The following SMIM10L2B variants were observed in gnomAD, a reference collection of about 807,000 sequenced individuals.
SMIM10L2B encodes the protein small integral membrane protein 10 like 2B.
For synonymous variants in SMIM10L2B, 28 were observed against 30.0 expected (o/e 0.93, Z 0.22); for missense variants, 40 against 58.7 (o/e 0.68, Z 1.04).
At position 135,098,699 on chromosome X, in the gene SMIM10L2B, G is replaced by C. The variant is rs781789030; in HGVS notation, c.-66C>G. 3.7e-6 allele frequency: 1 copy of C among 270,907 alleles called. No individual in the cohort carries two copies. Among genetic ancestry groups the C allele is most frequent in the Non-Finnish European group, 6.4e-6 (1 of 155,108 alleles). The allele number at this position is 270,907 out of a possible 1,213,427, so 22.3% of individuals were successfully genotyped here. Reference sequence around the variant, plus strand: ...GCAAGAGCTCGAGCCTCAGGACGGCGGGACCCCAACACTAGCGCGCCCCGC... The same window carrying C: ...GCAAGAGCTCGAGCCTCAGGACGGCCGGACCCCAACACTAGCGCGCCCCGC... On this transcript the variant is annotated 5_prime_UTR_variant, in exon 1 of 2. Coordinates refer to ENST00000433425, the MANE Select transcript of SMIM10L2B (RefSeq NM_001348255.2).
chrX:135,096,409 C>A lies in SMIM10L2B; in HGVS notation c.*1077G>T, dbSNP rs1450975729. Reference sequence around the variant, plus strand: ...CCAGGAGCCATGACACCACCATCAGCCCCACTTGCCCACCAAACTGGGAGG... The same window carrying A: ...CCAGGAGCCATGACACCACCATCAGACCCACTTGCCCACCAAACTGGGAGG... On this transcript the variant is annotated 3_prime_UTR_variant, in exon 2 of 2. Coordinates refer to ENST00000433425, the MANE Select transcript of SMIM10L2B (RefSeq NM_001348255.2). 1.8e-5 allele frequency: 2 copies of A among 110,964 alleles called. No individual in the cohort carries two copies. The highest frequency in any genetic ancestry group is 6.6e-5 in the African/African-American group (2 of 30,415). 9.1% of individuals were successfully genotyped at this position (110,964 alleles called of 1,213,427 possible). A position where few individuals can be genotyped will look rare whatever the true frequency, so the allele number is the denominator to read the frequency against.
In SMIM10L2B at chrX:135,098,696, G is replaced by T. The variant is rs1461141415; in HGVS notation, c.-63C>A. 7 of 271,557 alleles carry T rather than the reference G, an allele frequency of 2.6e-5. No homozygotes were observed. In the East Asian group the frequency reaches 3.3e-4, roughly 13 times the overall value. The allele number at this position is 271,557 out of a possible 1,213,427, so 22.4% of individuals were successfully genotyped here. A position where few individuals can be genotyped will look rare whatever the true frequency, so the allele number is the denominator to read the frequency against. On this transcript the variant is annotated 5_prime_UTR_variant, in exon 1 of 2. Coordinates refer to ENST00000433425, the MANE Select transcript of SMIM10L2B (RefSeq NM_001348255.2). ...CCCGCAAGAGCTCGAGCCTCAGGACGGCGGGACCCCAACACTAGCGCGCCC... is the reference window on the plus strand; with the variant it reads ...CCCGCAAGAGCTCGAGCCTCAGGACTGCGGGACCCCAACACTAGCGCGCCC...
chrX:135,097,278 C>T (rs1181686918), intron 1 of SMIM10L2B, among the ~76,000 whole-genome samples, 157 bp from the exon 2 acceptor site: 1 of 112,881 alleles, frequency 8.9e-6, no homozygotes, highest in Non-Finnish European at 1.9e-5. Flanking sequence ...CTCTTTTTCC[C>T]AGATCACTTC....
Position 135,096,590 on chromosome X carries a change from T to C in SMIM10L2B, c.*896A>G, listed in dbSNP as rs1556398076. On this transcript the variant is annotated 3_prime_UTR_variant, in exon 2 of 2. Transcript: ENST00000433425. ...TGTCCTAATCTTTCCTGTGATCTTC[T>C]GTACTGCTCCAAAGAAAGCGAGATC... 9.0e-6 allele frequency: 1 copy of C among 111,434 alleles called. No homozygotes were observed. The highest frequency in any genetic ancestry group is 3.3e-5 in the African/African-American group (1 of 30,569). 9.2% of individuals were successfully genotyped at this position (111,434 alleles called of 1,213,427 possible).
At position 135,096,335 on chromosome X, in the gene SMIM10L2B, C is replaced by G. The variant is rs782789997; in HGVS notation, c.*1151G>C. 2.7e-5 allele frequency: 3 copies of G among 110,393 alleles called. No homozygotes were observed. Among genetic ancestry groups the G allele is most frequent in the Admixed American group, 9.5e-5 (1 of 10,490 alleles). 9.1% of individuals were successfully genotyped at this position (110,393 alleles called of 1,213,427 possible). ...TGGGGTCATGCCATGGGTCTCAGCC[C>G]CAGCCCACCCCAGGTTTATCCCTTC... is the stretch of plus-strand genomic sequence containing the variant. On this transcript the variant is annotated 3_prime_UTR_variant, in exon 2 of 2. Transcript: ENST00000433425.
chrX:135,097,063 G>C lies in SMIM10L2B; in HGVS notation c.*423C>G, dbSNP rs1455917399. The stretch of plus-strand genomic sequence containing the variant: ...CAGGGTCAGAGGTGCCCCAGGGTAG[G>C]GATGAGACTCTTGGCAAGGCCAGAG... On this transcript the variant is annotated 3_prime_UTR_variant, in exon 2 of 2. Coordinates refer to ENST00000433425, the MANE Select transcript of SMIM10L2B (RefSeq NM_001348255.2). 2 of 113,462 alleles carry C rather than the reference G, an allele frequency of 1.8e-5. No homozygotes were observed. The highest frequency in any genetic ancestry group is 3.7e-5 in the Non-Finnish European group (2 of 53,408). 9.4% of individuals were successfully genotyped at this position (113,462 alleles called of 1,213,427 possible).
chrX:135,095,694 C>G lies in SMIM10L2B; in HGVS notation c.*1792G>C, dbSNP rs1477293789. On this transcript the variant is annotated 3_prime_UTR_variant, in exon 2 of 2. Coordinates refer to ENST00000433425, the MANE Select transcript of SMIM10L2B (RefSeq NM_001348255.2). Reference sequence around the variant, plus strand: ...GTTTGAAAGGGCCACATCTGTGCATCAGACACAAGGAGGCCCCTCACTCCT... The same window carrying G: ...GTTTGAAAGGGCCACATCTGTGCATGAGACACAAGGAGGCCCCTCACTCCT... 8.9e-6 allele frequency: 1 copy of G among 112,258 alleles called. No homozygotes were observed. The highest frequency in any genetic ancestry group is 3.2e-5 in the African/African-American group (1 of 30,853). 9.3% of individuals were successfully genotyped at this position (112,258 alleles called of 1,213,427 possible). A position where few individuals can be genotyped will look rare whatever the true frequency, so the allele number is the denominator to read the frequency against.
At chrX:135,097,493 G>A (rs1556398300) in intron 1 of SMIM10L2B, among the ~76,000 whole-genome samples, 1 of 112,031 alleles carries the variant, frequency 8.9e-6, no homozygotes, top group African/African-American at 3.3e-5. Context: ...TCAGGTAGGG[G>A]CAGGGGAACA....
chrX:135,096,349 G>T lies in SMIM10L2B; in HGVS notation c.*1137C>A. 1 of 110,609 alleles carries T rather than the reference G, an allele frequency of 9.0e-6. No homozygotes were observed. Among genetic ancestry groups the T allele is most frequent in the Middle Eastern group, 4.6e-3 (1 of 219 alleles). The allele number at this position is 110,609 out of a possible 1,213,427, so 9.1% of individuals were successfully genotyped here. The stretch of plus-strand genomic sequence containing the variant: ...GGGTCTCAGCCCCAGCCCACCCCAG[G>T]TTTATCCCTTCACCCTCCTGGTTAT... On this transcript the variant is annotated 3_prime_UTR_variant, in exon 2 of 2. Transcript: ENST00000433425.
In SMIM10L2B at chrX:135,098,077, C is replaced by T; in HGVS notation, c.*320G>A. The T allele has an allele frequency of 6.6e-6, 1 of 151,781 alleles. No homozygotes were observed. The highest frequency in any genetic ancestry group is 1.3e-5 in the Non-Finnish European group (1 of 77,804). 12.5% of individuals were successfully genotyped at this position (151,781 alleles called of 1,213,427 possible). On this transcript the variant is annotated 3_prime_UTR_variant, in exon 1 of 2. Transcript: ENST00000433425. Reference sequence around the variant, plus strand: ...AAAGTCAAGTCGCCGCAGCAGAATTCCCTCCTTCTGGTTTCCCCCTCTTTT... The same window carrying T: ...AAAGTCAAGTCGCCGCAGCAGAATTTCCTCCTTCTGGTTTCCCCCTCTTTT...
rs1556398043 is a variant in SMIM10L2B at position 135,096,435 on chromosome X, T to C, written c.*1051A>G. On this transcript the variant is annotated 3_prime_UTR_variant, in exon 2 of 2. Transcript: ENST00000433425. Reference sequence around the variant, plus strand: ...CCCACTTGCCCACCAAACTGGGAGGTTTGTGCCACTTCACTGCTGAAAAGC... The same window carrying C: ...CCCACTTGCCCACCAAACTGGGAGGCTTGTGCCACTTCACTGCTGAAAAGC... The C allele has an allele frequency of 9.0e-6, 1 of 110,555 alleles. No homozygotes were observed. The highest frequency in any genetic ancestry group is 1.9e-5 in the Non-Finnish European group (1 of 52,721). The allele number at this position is 110,555 out of a possible 1,213,427, so 9.1% of individuals were successfully genotyped here. A position where few individuals can be genotyped will look rare whatever the true frequency, so the allele number is the denominator to read the frequency against.
chrX:135,098,696 G>A lies in SMIM10L2B; in HGVS notation c.-63C>T, dbSNP rs1461141415. ...CCCGCAAGAGCTCGAGCCTCAGGAC[G>A]GCGGGACCCCAACACTAGCGCGCCC... On this transcript the variant is annotated 5_prime_UTR_variant, in exon 1 of 2. Transcript: ENST00000433425. The A allele has an allele frequency of 7.3e-6, 2 of 273,500 alleles. No individual in the cohort carries two copies. Among genetic ancestry groups the A allele is most frequent in the African/African-American group, 2.8e-5 (1 of 35,766 alleles). The allele number at this position is 273,500 out of a possible 1,213,427, so 22.5% of individuals were successfully genotyped here.
Position 135,098,548 on chromosome X carries a change from G to C in SMIM10L2B, c.86C>G (p.Ala29Gly). Residue 29 changes from alanine to glycine, a missense_variant, in exon 1 of 2, where the codon GCC becomes GGC. By Grantham distance (60) the Ala-to-Gly change is moderately conservative. Coordinates refer to ENST00000433425, the MANE Select transcript of SMIM10L2B (RefSeq NM_001348255.2). ...GCAGAAGGCGCCGTATGAGCCTCGG[G>C]CCGCCGCCGAGCGCGACAGCCGAAC... ...LAVRLSRSAA[A>G]RGSYGAFCKG... is the part of the protein sequence containing the mutation. The C allele has an allele frequency of 1.1e-6, 1 of 931,962 alleles. No individual in the cohort carries two copies. Among genetic ancestry groups the C allele is most frequent in the Non-Finnish European group, 1.4e-6 (1 of 704,621 alleles). 76.8% of individuals were successfully genotyped at this position (931,962 alleles called of 1,213,427 possible). A position where few individuals can be genotyped will look rare whatever the true frequency, so the allele number is the denominator to read the frequency against.
At chrX:135,097,565 G>C (rs1337000352) in intron 1 of SMIM10L2B, among the ~76,000 whole-genome samples, 1 of 112,324 alleles carries the variant, frequency 8.9e-6, no homozygotes, top group Non-Finnish European at 1.9e-5. Context: ...GCAGGAGGCA[G>C]TTTTGCCAAG....
chrX:135,098,574 C>T lies in SMIM10L2B; in HGVS notation c.60G>A (p.Ala20=), dbSNP rs1398332999. ...CCGCCGCCGAGCGCGACAGCCGAAC[C>T]GCCAAGCCAGACAGGGCTGCCGCCG... is the stretch of plus-strand genomic sequence containing the variant. ...AAAAAALSGL[A]VRLSRSAAAR... is the part of the protein sequence containing the mutation. Residue 20 remains alanine (A), a synonymous_variant, in exon 1 of 2, where the codon GCG becomes GCA. Coordinates refer to ENST00000433425, the MANE Select transcript of SMIM10L2B (RefSeq NM_001348255.2). The T allele has an allele frequency of 2.0e-5, 16 of 783,319 alleles. No homozygotes were observed. In the Middle Eastern group the frequency reaches 1.9e-3, roughly 92 times the overall value. 64.6% of individuals were successfully genotyped at this position (783,319 alleles called of 1,213,427 possible).
In SMIM10L2B at chrX:135,098,423, C is replaced by CGTTGAG. The variant is rs1390492971; in HGVS notation, c.205_210dup (p.Leu69_Asn70dup). 3.9e-6 allele frequency: 3 copies of CGTTGAG among 770,737 alleles called. No individual in the cohort carries two copies. The African/African-American group carries it at 6.6e-5, about 17-fold the overall frequency. 63.5% of individuals were successfully genotyped at this position (770,737 alleles called of 1,213,427 possible). ...CACTCGATCCGCACTTGCAGGCGGA[C>CGTTGAG]GTTGAGCATCACCGAGGCCACGATG... is the stretch of plus-strand genomic sequence containing the variant. On this transcript the variant is annotated inframe_insertion, in exon 1 of 2. Coordinates refer to ENST00000433425, the MANE Select transcript of SMIM10L2B (RefSeq NM_001348255.2).
In SMIM10L2B at chrX:135,095,196, T is replaced by C. The variant is rs1400119199; in HGVS notation, c.*2290A>G. On this transcript the variant is annotated 3_prime_UTR_variant, in exon 2 of 2. Transcript: ENST00000433425. ...ACAGACTGCAAATAAATAAAGTGCA[T>C]GGAGACCCCATCACGCAGCAAGGGC... is the stretch of plus-strand genomic sequence containing the variant. 7 of 111,208 alleles carry C rather than the reference T, an allele frequency of 6.3e-5. No homozygotes were observed. The highest frequency in any genetic ancestry group is 2.3e-4 in the African/African-American group (7 of 30,466). 9.2% of individuals were successfully genotyped at this position (111,208 alleles called of 1,213,427 possible).
intron 1 of SMIM10L2B, among the ~76,000 whole-genome samples, chrX:135,097,663 C>T (rs2083451718): frequency 1.8e-5 from 2 of 112,194 alleles, no homozygotes; most frequent in Admixed American, 1.9e-4. Flanking sequence ...ACCGTCCTCC[C>T]TATGCCCACC....
Position 135,098,638 on chromosome X carries a change from C to T in SMIM10L2B, c.-5G>A, listed in dbSNP as rs1247500457. ...CAGAGCCGCCGACGCCGCCATGGGCCCGGGCCCCGCGCAGGCCCCGCCGAC... is the reference window on the plus strand; with the variant it reads ...CAGAGCCGCCGACGCCGCCATGGGCTCGGGCCCCGCGCAGGCCCCGCCGAC... On this transcript the variant is annotated 5_prime_UTR_variant, in exon 1 of 2. Transcript: ENST00000433425. 1.1e-5 allele frequency: 4 copies of T among 349,316 alleles called. No homozygotes were observed. The highest frequency in any genetic ancestry group is 8.1e-5 in the African/African-American group (3 of 36,862). 28.8% of individuals were successfully genotyped at this position (349,316 alleles called of 1,213,427 possible).
Sources: gnomAD v4.1 joint callset for allele counts (sites outside exome capture counted in the v4.1 genomes callset) on GRCh38, gnomAD v4.1.1 for gene constraint, MANE v1.5 for transcripts, NCBI Gene and HGNC (gene_info 2026-07-23, HGNC 2026-07-21) for gene names.